The following MEOX1 variants were observed in gnomAD, a reference collection of about 807,000 sequenced individuals.
The protein encoded by MEOX1 is mesenchyme homeobox 1, also known as homeobox protein MOX-1.
Under a neutral mutation model 23.2 loss-of-function variants are expected in MEOX1, and 17 were observed. The ratio of observed to expected loss-of-function variants is 0.73; its 90% CI spans 0.50 to 1.10. The LOEUF (loss-of-function observed/expected upper bound fraction) is 1.10, where lower values mean the gene tolerates loss of function less well. MEOX1 is among the 50% of genes least tolerant of loss of function. The pLI is 0.00. For missense variants in MEOX1, 333 were observed against 332.2 expected (o/e 1.00, Z -0.02); for synonymous variants, 134 against 135.1 (o/e 0.99, Z 0.06).
intron 2 of MEOX1, among the ~76,000 whole-genome samples, 175 bp downstream of exon 2, chr17:43,643,313 C>A (rs1372422797): frequency 6.6e-6 from 1 of 151,852 alleles, no homozygotes; most frequent in African/African-American, 2.4e-5. Flanking sequence ...TCTCAAAAAA[C>A]AAAAAACAAA....
chr17:43,655,427 C>T (rs187854292), intron 1 of MEOX1, among the ~76,000 whole-genome samples: 11 of 151,036 alleles, frequency 7.3e-5, no homozygotes, highest in African/African-American at 2.7e-4. Context: ...GCCGAGATCG[C>T]GCCACTGCAC....
chr17:43,647,449 A>C (rs1434361526), intron 1 of MEOX1, among the ~76,000 whole-genome samples: 2 of 152,140 alleles, frequency 1.3e-5, no homozygotes, highest in African/African-American at 4.8e-5. Flanking sequence ...TTTAGGTGAC[A>C]GAAGGGAGAT....
At chr17:43,651,864 C>T (rs1326212065) in intron 1 of MEOX1, among the ~76,000 whole-genome samples, 3 of 152,348 alleles carry the variant, frequency 2.0e-5, no homozygotes, top group South Asian at 2.1e-4. Flanking sequence ...GACCTTCTTA[C>T]AGCTCACGGG....
chr17:43,661,208 C>G lies in MEOX1; in HGVS notation c.327G>C (p.Pro109=), dbSNP rs142430146. 1,151 of 1,608,578 alleles carry G rather than the reference C, an allele frequency of 7.2e-4. 6 individuals are homozygous for G. The African/African-American group carries it at 0.014, about 19-fold the overall frequency. Residue 109 remains proline (P), a synonymous_variant, in exon 1 of 3, where the codon CCG becomes CCC. Transcript: ENST00000318579. ...SDARRRPNSG[P]AGGSKEMGTS... is the part of the protein sequence containing the mutation. ...TCCCCATTTCCTTGGAACCCCCTGC[C>G]GGGCCTGAGTTGGGCCTGCGCCGGG...
intron 1 of MEOX1, among the ~76,000 whole-genome samples, chr17:43,652,147 T>C (rs1407369450): frequency 6.6e-6 from 1 of 152,058 alleles, no homozygotes; most frequent in Non-Finnish European, 1.5e-5. Context: ...GGAGTTGCTG[T>C]CTCCCCTCCC....
intron 1 of MEOX1, 85 bp from the exon 2 acceptor site, chr17:43,643,745 CT>C: frequency 9.9e-7 from 1 of 1,005,164 alleles, no homozygotes. Flanking sequence ...ACTAGGCAGT[CT>C]TTACCAGTCT....
chr17:43,656,809 G>A (rs1053220437), intron 1 of MEOX1, among the ~76,000 whole-genome samples: 11 of 152,106 alleles, frequency 7.2e-5, no homozygotes, highest in African/African-American at 2.7e-4. Context: ...AGCAAGGACA[G>A]TTTGGGGGAA....
At chr17:43,651,311 TC>T (rs1247178100) in intron 1 of MEOX1, among the ~76,000 whole-genome samples, 1 of 152,026 alleles carries the variant, frequency 6.6e-6, no homozygotes, top group Non-Finnish European at 1.5e-5. Context: ...AGAGTGAGAC[TC>T]CGTCTCAGAA....
intron 1 of MEOX1, among the ~76,000 whole-genome samples, chr17:43,646,547 T>C (rs1022905235): frequency 1.3e-5 from 2 of 152,230 alleles, no homozygotes; most frequent in African/African-American, 4.8e-5. Flanking sequence ...TGAATCTCCA[T>C]GCTGGAGACT....
intron 1 of MEOX1, among the ~76,000 whole-genome samples, chr17:43,655,420 G>C (rs1365575315): frequency 6.6e-6 from 1 of 151,050 alleles, no homozygotes; most frequent in African/African-American, 2.4e-5. Context: ...GCAGTGAGCC[G>C]AGATCGCGCC....
At position 43,643,580 on chromosome 17, in the gene MEOX1, G is replaced by A. The variant is rs1972742936; in HGVS notation, c.550C>T (p.Arg184Ter). The A allele has an allele frequency of 2.5e-6, 4 of 1,612,918 alleles. No individual in the cohort carries two copies. Among genetic ancestry groups the A allele is most frequent in the Non-Finnish European group, 3.4e-6 (4 of 1,179,664 alleles). ...ERTAFTKEQL[R>*]ELEAEFAHHN... The stretch of plus-strand genomic sequence containing the variant: ...TGGGCAAACTCTGCCTCCAGCTCTC[G>A]CAGCTGCTCCTTGGTGAAGGCCGTC... Residue 184 changes from arginine (R) to a stop codon, truncating the protein, a stop_gained, in exon 2 of 3, where the codon CGA (arginine) becomes TGA (stop). Transcript: ENST00000318579. LOFTEE classifies it high-confidence loss of function.
chr17:43,661,376 C>T lies in MEOX1; in HGVS notation c.159G>A (p.Ala53=), dbSNP rs759480740. 10 of 1,612,514 alleles carry T rather than the reference C, an allele frequency of 6.2e-6. No homozygotes were observed. The highest frequency in any genetic ancestry group is 5.4e-5 in the African/African-American group (4 of 74,700). Residue 53 remains alanine (A), a synonymous_variant, in exon 1 of 3, where the codon GCG becomes GCA. Coordinates refer to ENST00000318579, the MANE Select transcript of MEOX1 (RefSeq NM_004527.4). The stretch of plus-strand genomic sequence containing the variant: ...AGTCAGGGTACGCTGCCGTCGCTGT[C>T]GCCAGGAAGTCTGGTTTCTGGTGGA... ...FSFHQKPDFL[A]TATAAYPDFS...
At position 43,661,111 on chromosome 17, in the gene MEOX1, T is replaced by C. The variant is rs1029026888; in HGVS notation, c.424A>G (p.Asn142Asp). 2.8e-5 allele frequency: 42 copies of C among 1,508,554 alleles called. No individual in the cohort carries two copies. Among genetic ancestry groups the C allele is most frequent in the Non-Finnish European group, 3.5e-5 (39 of 1,129,444 alleles). 93.4% of individuals were successfully genotyped at this position (1,508,554 alleles called of 1,614,324 possible). The change falls in exon 1 of 3, where the codon AAT becomes GAT. Residue 142 changes from asparagine (N) to aspartate (D), a missense_variant. Transcript: ENST00000318579. Reference sequence around the variant, plus strand: ...CTGGATGATTTCTTCTCTGTCTCATTGGCAGTGCTCCCAAGCACCCCGTAG... The same window carrying C: ...CTGGATGATTTCTTCTCTGTCTCATCGGCAGTGCTCCCAAGCACCCCGTAG... ...DDYGVLGSTANETEKKSSRRR... is the reference protein window; with the variant it reads ...DDYGVLGSTADETEKKSSRRR...
intron 1 of MEOX1, among the ~76,000 whole-genome samples, chr17:43,646,099 G>A (rs963180631): frequency 5.3e-5 from 8 of 152,172 alleles, no homozygotes; most frequent in African/African-American, 1.9e-4. Context: ...GATCCGGGTT[G>A]GCCGCCCGCG....
At chr17:43,653,385 C>T (rs950532031) in intron 1 of MEOX1, among the ~76,000 whole-genome samples, 3 of 151,866 alleles carry the variant, frequency 2.0e-5, no homozygotes, top group Non-Finnish European at 4.4e-5. Flanking sequence ...AGTGATCCAC[C>T]CACCTTGGCC....
At chr17:43,644,330 G>A (rs1972762627) in intron 1 of MEOX1, among the ~76,000 whole-genome samples, 1 of 152,200 alleles carries the variant, frequency 6.6e-6, no homozygotes, top group African/African-American at 2.4e-5. Flanking sequence ...TGCCCCAGAG[G>A]GCCAAGTCTG....
intron 1 of MEOX1, among the ~76,000 whole-genome samples, chr17:43,646,725 C>A (rs1212531064): frequency 1.3e-5 from 2 of 152,372 alleles, no homozygotes; most frequent in Non-Finnish European, 2.9e-5. Flanking sequence ...CCTGTAATCC[C>A]AGCACTTTGG....
At chr17:43,653,430 G>T (rs927220911) in intron 1 of MEOX1, among the ~76,000 whole-genome samples, 1 of 150,520 alleles carries the variant, frequency 6.6e-6, no homozygotes, top group Non-Finnish European at 1.5e-5. Context: ...GTGAGCCACC[G>T]CATCCAGCCC....
chr17:43,661,453 C>T lies in MEOX1; in HGVS notation c.82G>A (p.Glu28Lys), dbSNP rs368570481. 3.1e-6 allele frequency: 5 copies of T among 1,611,592 alleles called. No homozygotes were observed. In the African/African-American group the frequency reaches 5.3e-5, roughly 17 times the overall value. Reference protein sequence around the residue: ...VWGCLRNPHSEGNGASGLPHY... With the variant: ...VWGCLRNPHSKGNGASGLPHY... ...GGTAGCCCTGAGGCCCCATTGCCTT[C>T]CGAGTGGGGGTTTCGAAGGCAGCCC... is the stretch of plus-strand genomic sequence containing the variant. The change falls in exon 1 of 3, where the codon GAA (glutamate) becomes AAA (lysine). Residue 28 changes from glutamate (E) to lysine (K), a missense_variant. Transcript: ENST00000318579.
Sources: gnomAD v4.1 joint callset for allele counts (sites outside exome capture counted in the v4.1 genomes callset) on GRCh38, gnomAD v4.1.1 for gene constraint, MANE v1.5 for transcripts, NCBI Gene and HGNC (gene_info 2026-07-23, HGNC 2026-07-21) for gene names.